PCMTD2: variants seen among roughly 807,000 people sequenced by gnomAD.
PCMTD2 encodes protein-L-isoaspartate (D-aspartate) O-methyltransferase domain containing 2.
PCMTD2 carries 16 observed loss-of-function variants against 33.4 expected under a neutral mutation model. The ratio of observed to expected loss-of-function variants is 0.48; its 90% confidence interval spans 0.32 to 0.73. The LOEUF (loss-of-function observed/expected upper bound fraction) is 0.73. PCMTD2 is among the 30% of genes least tolerant of loss of function. The pLI is 0.03. For missense variants in PCMTD2, 374 were observed against 449.9 expected (o/e 0.83, Z 1.53); for synonymous variants, 161 against 160.8 (o/e 1.00, Z -0.01).
At chr20:64,265,720 C>T (rs552697950) in intron 4 of PCMTD2, 4 of 316,148 alleles carry the variant, frequency 1.3e-5, no homozygotes, top group Admixed American at 4.7e-5. Flanking sequence ...TCTTCCTTCC[C>T]CTTCTCCTTC....
At chr20:64,267,864 T>C (rs1436506049) in intron 4 of PCMTD2, 23 bp from the exon 5 acceptor site, 1 of 1,607,490 alleles carries the variant, frequency 6.2e-7, no homozygotes, top group Non-Finnish European at 8.5e-7. Flanking sequence ...CTTTTGAATA[T>C]TCTCATTTTG....
At chr20:64,264,359 G>T in intron 2 of PCMTD2, 70 bp from the exon 3 acceptor site, 1 of 786,454 alleles carries the variant, frequency 1.3e-6, no homozygotes. Flanking sequence ...GTTACAGTTG[G>T]TAGAAGTGAA....
chr20:64,265,579 G>C (rs550182234), intron 4 of PCMTD2, 150 bp downstream of exon 4: 3 of 577,708 alleles, frequency 5.2e-6, no homozygotes, highest in Non-Finnish European at 8.4e-6. Flanking sequence ...GCAGGGTCAC[G>C]CACATGCCCT....
intron 1 of PCMTD2, among the ~76,000 whole-genome samples, chr20:64,257,837 C>G (rs1985232233): frequency 1.3e-5 from 2 of 152,154 alleles, no homozygotes; most frequent in African/African-American, 2.4e-5. Flanking sequence ...GAATGCAGCC[C>G]CCTCCTCACA....
At position 64,274,961 on chromosome 20, in the gene PCMTD2, T is replaced by G. The variant is rs1274925721; in HGVS notation, c.*1361T>G. ...TAAATTCAGAGTGTTGATATAGGAT[T>G]CAGTATCCAGAGTTTATTTTTAATC... On this transcript the variant is annotated 3_prime_UTR_variant, in exon 6 of 6. Transcript: ENST00000308824. 6.6e-6 allele frequency: 1 copy of G among 152,212 alleles called. No homozygotes were observed. The highest frequency in any genetic ancestry group is 2.4e-5 in the African/African-American group (1 of 41,448). The allele number at this position is 152,212 out of a possible 1,614,324, so 9.4% of individuals were successfully genotyped here. A position where few individuals can be genotyped will look rare whatever the true frequency, so the allele number is the denominator to read the frequency against.
At position 64,273,496 on chromosome 20, in the gene PCMTD2, G is replaced by C. The variant is rs914314593; in HGVS notation, c.982G>C (p.Glu328Gln). ...GGAAGAAGAAGAGAAGACCCCGCCG[G>C]AAACAAAGCCAGACCCCCCAGTGAA... is the stretch of plus-strand genomic sequence containing the variant. ...RREEEEKTPP[E>Q]TKPDPPVNFL... The change falls in exon 6 of 6, where the codon GAA (glutamate) becomes CAA (glutamine). Residue 328 changes from glutamate (E) to glutamine (Q), a missense_variant. By Grantham distance (29) the Glu-to-Gln change is conservative. Coordinates refer to ENST00000308824, the MANE Select transcript of PCMTD2 (RefSeq NM_018257.3). The C allele has an allele frequency of 1.8e-5, 29 of 1,608,750 alleles. No individual in the cohort carries two copies. The highest frequency in any genetic ancestry group is 2.4e-5 in the Non-Finnish European group (28 of 1,178,208).
chr20:64,260,698 T>G (rs972639191), intron 2 of PCMTD2, among the ~76,000 whole-genome samples: 2 of 148,746 alleles, frequency 1.3e-5, no homozygotes, highest in Admixed American at 6.7e-5. Flanking sequence ...GCAGTTTTTG[T>G]TTTGTTGGTT....
chr20:64,269,392 C>A (rs1985792134), intron 5 of PCMTD2, among the ~76,000 whole-genome samples: 1 of 152,120 alleles, frequency 6.6e-6, no homozygotes, highest in East Asian at 1.9e-4. Context: ...GTTCGTCTGG[C>A]CGATGAAGAA....
intron 1 of PCMTD2, among the ~76,000 whole-genome samples, chr20:64,258,005 C>T (rs1985241072): frequency 6.6e-6 from 1 of 152,152 alleles, no homozygotes. Context: ...AGGCAGAGTT[C>T]AAAATAAGTG....
In PCMTD2 at chr20:64,273,437, AC is replaced by A; in HGVS notation, c.924del (p.Asp308GlufsTer28). 1 of 1,614,030 alleles carries A rather than the reference AC, an allele frequency of 6.2e-7. No individual in the cohort carries two copies. The highest frequency in any genetic ancestry group is 8.5e-7 in the Non-Finnish European group (1 of 1,179,968). On this transcript the variant is annotated frameshift_variant, in exon 6 of 6. Coordinates refer to ENST00000308824, the MANE Select transcript of PCMTD2 (RefSeq NM_018257.3). LOFTEE classifies it high-confidence loss of function. Reference sequence around the variant, plus strand: ...AGTCGGATTTCCAACCCCTCAGATGACAACAGCTGTGAAGACTTGGAAGAGG... The same window carrying A: ...AGTCGGATTTCCAACCCCTCAGATGAAACAGCTGTGAAGACTTGGAAGAGG... The part of the protein sequence containing the change: ...FASRISNPSD[D>X]NSCEDLEEER...
Position 64,273,632 on chromosome 20 carries a change from G to A in PCMTD2, c.*32G>A, listed in dbSNP as rs979715873. ...TGTTTGAAAGGGGGAAATAGGAAGA[G>A]CAGATTGCTGAGTGTGAAGTTCGTG... On this transcript the variant is annotated 3_prime_UTR_variant, in exon 6 of 6. Transcript: ENST00000308824. 3 of 1,508,400 alleles carry A rather than the reference G, an allele frequency of 2.0e-6. No individual in the cohort carries two copies. Among genetic ancestry groups the A allele is most frequent in the Non-Finnish European group, 1.8e-6 (2 of 1,131,362 alleles). 93.4% of individuals were successfully genotyped at this position (1,508,400 alleles called of 1,614,324 possible).
intron 4 of PCMTD2, among the ~76,000 whole-genome samples, chr20:64,265,954 A>G (rs1338343165): frequency 6.6e-6 from 1 of 152,184 alleles, no homozygotes; most frequent in African/African-American, 2.4e-5. Flanking sequence ...CACTGGGAAA[A>G]ATAGTTTATA....
Position 64,273,649 on chromosome 20 carries a change from A to T in PCMTD2, c.*49A>T, listed in dbSNP as rs1463819351. The T allele has an allele frequency of 2.7e-6, 4 of 1,487,220 alleles. No individual in the cohort carries two copies. Among genetic ancestry groups the T allele is most frequent in the Non-Finnish European group, 3.6e-6 (4 of 1,114,360 alleles). The allele number at this position is 1,487,220 out of a possible 1,614,324, so 92.1% of individuals were successfully genotyped here. A position where few individuals can be genotyped will look rare whatever the true frequency, so the allele number is the denominator to read the frequency against. On this transcript the variant is annotated 3_prime_UTR_variant, in exon 6 of 6. Transcript: ENST00000308824. Reference sequence around the variant, plus strand: ...TAGGAAGAGCAGATTGCTGAGTGTGAAGTTCGTGCTGCCTGTGTGCTGTTG... The same window carrying T: ...TAGGAAGAGCAGATTGCTGAGTGTGTAGTTCGTGCTGCCTGTGTGCTGTTG...
intron 5 of PCMTD2, among the ~76,000 whole-genome samples, chr20:64,268,635 A>G (rs1211269128): frequency 2.0e-4 from 30 of 152,322 alleles, no homozygotes; most frequent in Non-Finnish European, 5.9e-5. Context: ...GATTTTATTT[A>G]AAATAAAACT....
At chr20:64,261,405 T>G (rs1985409568) in intron 2 of PCMTD2, among the ~76,000 whole-genome samples, 1 of 152,112 alleles carries the variant, frequency 6.6e-6, no homozygotes, top group African/African-American at 2.4e-5. Flanking sequence ...TGTATATGCT[T>G]GTGAAAGAAA....
intron 5 of PCMTD2, 134 bp from the exon 6 acceptor site, chr20:64,273,087 A>AT: frequency 1.5e-6 from 1 of 677,732 alleles, no homozygotes; most frequent in Non-Finnish European, 2.5e-6. Flanking sequence ...TTTGCTTAGC[A>AT]TGCTCTCATA....
intron 2 of PCMTD2, 83 bp from the exon 3 acceptor site, chr20:64,264,346 C>T (rs149550918): frequency 1.9e-5 from 14 of 730,526 alleles, no homozygotes; most frequent in South Asian, 4.6e-5. Flanking sequence ...TTAAGTCAGA[C>T]GTGTTACAGT....
chr20:64,265,642 C>T (rs534029203), intron 4 of PCMTD2: 6 of 405,944 alleles, frequency 1.5e-5, no homozygotes, highest in Admixed American at 8.4e-5. Flanking sequence ...GCACGTGAAA[C>T]GCTTTTCTCC....
chr20:64,265,358 A>AAAGCCATG lies in PCMTD2; in HGVS notation c.514_515insCCATGAAG (p.Glu172AlafsTer9). ...TGTATACTGTGGGGCTGGCGTGCAG[A>AAAGCCATG]AAGAGCATGAAGAGTACATGAAGAA... On this transcript the variant is annotated frameshift_variant, in exon 4 of 6. Transcript: ENST00000308824. LOFTEE classifies it high-confidence loss of function. 1 of 1,613,766 alleles carries AAAGCCATG rather than the reference A, an allele frequency of 6.2e-7. No individual in the cohort carries two copies. Among genetic ancestry groups the AAAGCCATG allele is most frequent in the Non-Finnish European group, 8.5e-7 (1 of 1,179,900 alleles).
Sources: gnomAD v4.1 joint callset for allele counts (sites outside exome capture counted in the v4.1 genomes callset) on GRCh38, gnomAD v4.1.1 for gene constraint, MANE v1.5 for transcripts, NCBI Gene and HGNC (gene_info 2026-07-23, HGNC 2026-07-21) for gene names.